RBFOX1: variants seen among roughly 807,000 people sequenced by gnomAD.
RBFOX1 encodes the protein RNA binding protein fox-1 homolog 1.
In RBFOX1, 8 loss-of-function variants were observed where a neutral mutation model predicts 57.7. The ratio of observed to expected loss-of-function variants is 0.14; its 90% CI spans 0.08 to 0.25. RBFOX1 has a LOEUF of 0.25. Ranked by LOEUF, RBFOX1 falls within the 10% of genes least tolerant of loss-of-function variation. RBFOX1 has a pLI of 1.00. For missense variants in RBFOX1, 611 were observed against 548.5 expected (o/e 1.11, Z -1.14); for synonymous variants, 326 against 222.4 (o/e 1.47, Z -4.15).
At chr16:6,333,812 T>C (rs985203995) in intron 2 of RBFOX1, among the ~76,000 whole-genome samples, 5 of 152,180 alleles carry the variant, frequency 3.3e-5, no homozygotes, top group Non-Finnish European at 7.3e-5. Context: ...ATCTGTCAGA[T>C]TTATTTATCA....
At chr16:5,242,343 G>A (rs1463580651) in intron 1 of RBFOX1, among the ~76,000 whole-genome samples, 3 of 152,168 alleles carry the variant, frequency 2.0e-5, no homozygotes, top group Non-Finnish European at 4.4e-5. Flanking sequence ...ATCTGAATAT[G>A]CCACCCTCTT....
chr16:6,669,221 A>G (rs560239447), intron 3 of RBFOX1, among the ~76,000 whole-genome samples: 3 of 152,326 alleles, frequency 2.0e-5, no homozygotes, highest in South Asian at 4.1e-4. Context: ...ACGTGATGCA[A>G]TAACAACAGA....
intron 2 of RBFOX1, among the ~76,000 whole-genome samples, chr16:5,542,195 G>A (rs994454411): frequency 2.6e-4 from 39 of 151,246 alleles, no homozygotes; most frequent in Non-Finnish European, 3.8e-4. Context: ...CCTTCTATGC[G>A]CACTCAAGAA....
rs57851398 is a variant in RBFOX1, at chr16:6,029,772, CA to C, written c.-127+9799del. Among the ~76,000 whole-genome samples the C allele has an allele frequency of 1.8e-3, 188 of 102,332 alleles. 2 individuals carry two copies. The highest frequency in any genetic ancestry group is 8.0e-3 in the South Asian group (21 of 2,620). 67.1% of individuals were successfully genotyped at this position (102,332 alleles called of 152,430 possible). A position where few individuals can be genotyped will look rare whatever the true frequency, so the allele number is the denominator to read the frequency against. ...TGGGCGACAGATCGAGACTCCGTCT[CA>C]AAAAAAAAAAAAAAAAAAGGGGAAA... On this transcript the variant is annotated intron_variant, in intron 1 of 15. Coordinates refer to ENST00000550418, the MANE Select transcript of RBFOX1 (RefSeq NM_018723.4).
intron 1 of RBFOX1, among the ~76,000 whole-genome samples, chr16:6,148,184 G>C (rs988358726): frequency 6.6e-6 from 1 of 152,184 alleles, no homozygotes; most frequent in East Asian, 1.9e-4. Flanking sequence ...GAAATTAGCC[G>C]AGTGTGGTGG....
intron 4 of RBFOX1, among the ~76,000 whole-genome samples, chr16:5,870,559 C>T (rs2057445855): frequency 6.6e-6 from 1 of 151,610 alleles, no homozygotes; most frequent in Non-Finnish European, 1.5e-5. Context: ...AAATAGTCTT[C>T]CTTCCTTCAT....
chr16:7,329,761 T>C (rs2096659989), intron 4 of RBFOX1, among the ~76,000 whole-genome samples: 1 of 152,116 alleles, frequency 6.6e-6, no homozygotes, highest in South Asian at 2.1e-4. Context: ...AGGAAGATAT[T>C]TGTAACTCAA....
At chr16:5,976,648 T>C (rs866373313) in intron 4 of RBFOX1, among the ~76,000 whole-genome samples, 1 of 152,078 alleles carries the variant, frequency 6.6e-6, no homozygotes, top group Non-Finnish European at 1.5e-5. Flanking sequence ...GTAGACAGAT[T>C]ACTTGAGGTC....
intron 1 of RBFOX1, among the ~76,000 whole-genome samples, chr16:5,248,304 A>G (rs973432079): frequency 6.6e-6 from 1 of 152,276 alleles, no homozygotes. Context: ...CAGATGGTGC[A>G]TTTAATTTCC....
intron 5 of RBFOX1, among the ~76,000 whole-genome samples, chr16:7,543,695 GTGTGTGTGTGTGTGTGTGTGTGTGTT>G (rs1250665268): frequency 2.2e-4 from 32 of 147,562 alleles, no homozygotes; most frequent in Middle Eastern, 3.4e-3. Context: ...GTGTGTGTGT[GTGTGTGTGTGTGTGTGTGTGTGTGTT>G]TATTTTTTAT....
chr16:5,584,475 A>G (rs955461713), intron 2 of RBFOX1, among the ~76,000 whole-genome samples: 1 of 152,142 alleles, frequency 6.6e-6, no homozygotes, highest in Admixed American at 6.5e-5. Context: ...TTCTGATACC[A>G]TTGCCCACTT....
chr16:7,271,476 T>G (rs77445343), intron 4 of RBFOX1, among the ~76,000 whole-genome samples: 1 of 152,164 alleles, frequency 6.6e-6, no homozygotes, highest in Non-Finnish European at 1.5e-5. Context: ...TTTGCCAGTT[T>G]CTTTGTATCA....
intron 2 of RBFOX1, among the ~76,000 whole-genome samples, chr16:6,473,046 G>C (rs186471129): frequency 6.6e-6 from 1 of 152,066 alleles, no homozygotes; most frequent in Admixed American, 6.6e-5. Context: ...TAACAGAGAG[G>C]AACACCCATG....
intron 2 of RBFOX1, among the ~76,000 whole-genome samples, chr16:6,571,546 G>C (rs1302239597): frequency 6.7e-6 from 1 of 150,168 alleles, no homozygotes; most frequent in Non-Finnish European, 1.5e-5. Flanking sequence ...GGGTAGTCGG[G>C]GAGAGAGGAG....
chr16:6,857,299 A>C (rs1483989081), intron 3 of RBFOX1, among the ~76,000 whole-genome samples: 1 of 152,194 alleles, frequency 6.6e-6, no homozygotes. Context: ...CCCAAAGAAG[A>C]AGTCAACACC....
chr16:7,598,304 T>C (rs2152963452), intron 9 of RBFOX1, among the ~76,000 whole-genome samples: 1 of 152,222 alleles, frequency 6.6e-6, no homozygotes, highest in Admixed American at 6.5e-5. Context: ...GACATAAATG[T>C]TTGTCGCATA....
intron 2 of RBFOX1, among the ~76,000 whole-genome samples, chr16:5,501,899 T>G (rs1008723745): frequency 2.0e-5 from 3 of 152,082 alleles, no homozygotes; most frequent in African/African-American, 7.2e-5. Flanking sequence ...TTTATTTATT[T>G]TTTTTGTAGA....
chr16:5,567,428 A>T (rs956190846), intron 2 of RBFOX1, among the ~76,000 whole-genome samples: 3 of 152,208 alleles, frequency 2.0e-5, no homozygotes, highest in African/African-American at 7.2e-5. Flanking sequence ...CTCTCTGGGT[A>T]GATGAGTAGC....
In RBFOX1 at chr16:6,840,299, C is replaced by G. The variant is rs1381730247; in HGVS notation, c.-16+185649C>G. ...GACCTTCCGAAAAATGAAAAGGCAA[C>G]TTTAGGGTGTAAGGGGCTGCAGGGC... On this transcript the variant is annotated intron_variant, in intron 3 of 15. Coordinates refer to ENST00000550418, the MANE Select transcript of RBFOX1 (RefSeq NM_018723.4). Among the ~76,000 whole-genome samples the G allele has an allele frequency of 2.0e-5, 3 of 152,152 alleles. 1 individual carries two copies. Among genetic ancestry groups the G allele is most frequent in the Admixed American group, 2.0e-4 (3 of 15,272 alleles).
Sources: gnomAD v4.1 joint callset for allele counts (sites outside exome capture counted in the v4.1 genomes callset) on GRCh38, gnomAD v4.1.1 for gene constraint, MANE v1.5 for transcripts, NCBI Gene and HGNC (gene_info 2026-07-23, HGNC 2026-07-21) for gene names.